Variants in PLAC1 observed in about 807,000 individuals in gnomAD.
The protein encoded by PLAC1 is placenta associated 1.
For synonymous variants in PLAC1, 68 were observed against 62.1 expected (o/e 1.09, Z -0.44); for missense variants, 136 against 163.2 (o/e 0.83, Z 0.91).
At chrX:134,585,889 A>T (rs1376515008) in intron 2 of PLAC1, among the ~76,000 whole-genome samples, 1 of 111,014 alleles carries the variant, frequency 9.0e-6, no homozygotes, top group Non-Finnish European at 1.9e-5. Flanking sequence ...GAAAAGAAGG[A>T]CCCCTGCTGA....
At chrX:134,762,838 A>G (rs1308069453) in intron 1 of PLAC1, among the ~76,000 whole-genome samples, 8 of 106,016 alleles carry the variant, frequency 7.5e-5, no homozygotes, top group African/African-American at 2.4e-4. Context: ...AAAAAAAAAA[A>G]AAAAAAAAAA....
chrX:134,722,270 A>G (rs1329225853), intron 2 of PLAC1, among the ~76,000 whole-genome samples: 1 of 112,286 alleles, frequency 8.9e-6, no homozygotes, highest in Non-Finnish European at 1.9e-5. Flanking sequence ...AAAGATGGAA[A>G]CAACTCAGAT....
At chrX:134,637,762 C>T (rs1403640391) in intron 1 of PLAC1, among the ~76,000 whole-genome samples, 2 of 111,470 alleles carry the variant, frequency 1.8e-5, no homozygotes, top group African/African-American at 3.3e-5. Context: ...GCAGGAGAAT[C>T]GCTTGAACCC....
chrX:134,670,243 G>T (rs776310501), intron 2 of PLAC1, among the ~76,000 whole-genome samples: 2 of 110,176 alleles, frequency 1.8e-5, no homozygotes, highest in Non-Finnish European at 3.8e-5. Flanking sequence ...TGTCCTCCAT[G>T]CATCTGTTTC....
intron 2 of PLAC1, among the ~76,000 whole-genome samples, chrX:134,711,340 A>C (rs2078627562): frequency 8.9e-6 from 1 of 112,554 alleles, no homozygotes; most frequent in Admixed American, 9.4e-5. Context: ...AGAAACACAG[A>C]CACTTAAGTG....
intron 1 of PLAC1, among the ~76,000 whole-genome samples, chrX:134,608,671 TC>T (rs1311216147): frequency 1.2e-4 from 8 of 68,995 alleles, no homozygotes; most frequent in African/African-American, 4.9e-4. Flanking sequence ...TTTCTTTTTT[TC>T]TTTTTTCTTT....
intron 1 of PLAC1, among the ~76,000 whole-genome samples, chrX:134,647,878 C>T (rs1865244799): frequency 9.0e-6 from 1 of 111,337 alleles, no homozygotes; most frequent in South Asian, 3.8e-4. Flanking sequence ...TCAGTTTTCA[C>T]TGCAGGAAAA....
chrX:134,643,932 GAAT>G (rs59970411), intron 1 of PLAC1, among the ~76,000 whole-genome samples: 63 of 100,477 alleles, frequency 6.3e-4, no homozygotes, highest in Middle Eastern at 5.2e-3. Flanking sequence ...TGTAAAAGAG[GAAT>G]AATAATAATA....
At chrX:134,757,078 G>A (rs758996474) in intron 1 of PLAC1, among the ~76,000 whole-genome samples, 1 of 112,348 alleles carries the variant, frequency 8.9e-6, no homozygotes, top group Non-Finnish European at 1.9e-5. Context: ...TTGGGAAAAC[G>A]TACCTTTGCA....
intron 1 of PLAC1, among the ~76,000 whole-genome samples, chrX:134,623,379 T>C (rs758936734): frequency 1.8e-5 from 2 of 112,504 alleles, no homozygotes; most frequent in African/African-American, 3.2e-5. Context: ...ACTTGGACAT[T>C]TGAGCCCAAT....
intron 1 of PLAC1, among the ~76,000 whole-genome samples, chrX:134,604,847 C>A (rs2078114995): frequency 9.0e-6 from 1 of 111,253 alleles, no homozygotes; most frequent in African/African-American, 3.3e-5. Flanking sequence ...TTGTAAGCTC[C>A]CAGCTAACTT....
At chrX:134,695,095 T>C (rs1199790823) in intron 2 of PLAC1, among the ~76,000 whole-genome samples, 1 of 111,988 alleles carries the variant, frequency 8.9e-6, no homozygotes, top group Non-Finnish European at 1.9e-5. Context: ...TATTAAGATA[T>C]GATTAGTTCT....
At chrX:134,615,054 T>C (rs952266606) in intron 1 of PLAC1, among the ~76,000 whole-genome samples, 1 of 112,134 alleles carries the variant, frequency 8.9e-6, no homozygotes, top group Non-Finnish European at 1.9e-5. Flanking sequence ...CAGATATCTC[T>C]ACAAGGTGTT....
At chrX:134,653,508 A>G (rs1053046935) in intron 1 of PLAC1, among the ~76,000 whole-genome samples, 19 of 111,857 alleles carry the variant, frequency 1.7e-4, no homozygotes, top group Admixed American at 9.5e-5. Flanking sequence ...GTCCTCTGCC[A>G]TTGTGGGTCC....
chrX:134,578,515 C>CTTTTTT (rs766626696), intron 2 of PLAC1, among the ~76,000 whole-genome samples: 34 of 55,948 alleles, frequency 6.1e-4, no homozygotes, highest in African/African-American at 8.3e-4. Context: ...TTCTTTCTTT[C>CTTTTTT]TTTTTTTTTT....
chrX:134,677,542 G>A (rs1045410490), intron 2 of PLAC1, among the ~76,000 whole-genome samples: 1 of 111,026 alleles, frequency 9.0e-6, no homozygotes, highest in Non-Finnish European at 1.9e-5. Flanking sequence ...ACCACCTAGA[G>A]GAACAGCTGG....
intron 2 of PLAC1, among the ~76,000 whole-genome samples, chrX:134,683,392 G>A (rs1330076177): frequency 9.0e-6 from 1 of 111,289 alleles, no homozygotes; most frequent in Non-Finnish European, 1.9e-5. Flanking sequence ...AAATAGAGAG[G>A]TGAATTCCAC....
At chrX:134,616,924 C>T (rs1288477133) in intron 1 of PLAC1, among the ~76,000 whole-genome samples, 2 of 106,552 alleles carry the variant, frequency 1.9e-5, no homozygotes, top group African/African-American at 6.8e-5. Flanking sequence ...TATAGGCAGC[C>T]GCCATCACGT....
chrX:134,680,856 C>T (rs1479318479), intron 2 of PLAC1, among the ~76,000 whole-genome samples: 1 of 111,779 alleles, frequency 8.9e-6, no homozygotes, highest in East Asian at 2.8e-4. Context: ...CTGGCCATAT[C>T]CTCTCTTCCT....
Sources: gnomAD v4.1 joint callset for allele counts (sites outside exome capture counted in the v4.1 genomes callset) on GRCh38, gnomAD v4.1.1 for gene constraint, MANE v1.5 for transcripts, NCBI Gene and HGNC (gene_info 2026-07-23, HGNC 2026-07-21) for gene names.